SH3PXD2A: variants seen among roughly 807,000 people sequenced by gnomAD.
The protein encoded by SH3PXD2A is SH3 and PX domain-containing protein 2A.
SH3PXD2A carries 32 observed loss-of-function variants against 115.2 expected under a neutral mutation model. The ratio of observed to expected loss-of-function variants is 0.28; its 90% CI spans 0.21 to 0.37. The LOEUF (loss-of-function observed/expected upper bound fraction) is 0.37, where lower values mean the gene tolerates loss of function less well. Ranked by LOEUF, SH3PXD2A falls within the 10% of genes least tolerant of loss-of-function variation. The pLI, the probability that SH3PXD2A is intolerant of heterozygous loss-of-function variation, is 1.00. For synonymous variants in SH3PXD2A, 610 were observed against 629.1 expected (o/e 0.97, Z 0.45); for missense variants, 1,328 against 1,498.7 (o/e 0.89, Z 1.88).
At chr10:103,670,386 G>A (rs564695488) in intron 6 of SH3PXD2A, among the ~76,000 whole-genome samples, 77 of 152,324 alleles carry the variant, frequency 5.1e-4, no homozygotes, top group African/African-American at 1.7e-3. Context: ...TAGATAATAT[G>A]TAATAGTGCC....
intron 11 of SH3PXD2A, among the ~76,000 whole-genome samples, chr10:103,614,688 C>G (rs748820514): frequency 3.3e-5 from 5 of 152,136 alleles, no homozygotes; most frequent in Non-Finnish European, 7.4e-5. Context: ...TTGCAATGTC[C>G]CCATCTGCTC....
chr10:103,661,355 G>A (rs907126494), intron 7 of SH3PXD2A, among the ~76,000 whole-genome samples: 5 of 152,254 alleles, frequency 3.3e-5, no homozygotes, highest in African/African-American at 1.2e-4. Flanking sequence ...GGGCCGGGGA[G>A]GGGACGGGCA....
intron 3 of SH3PXD2A, among the ~76,000 whole-genome samples, chr10:103,737,065 G>A (rs933310874): frequency 7.2e-5 from 11 of 152,180 alleles, no homozygotes; most frequent in African/African-American, 2.4e-4. Flanking sequence ...GGAAGCAAAC[G>A]GAATGAGAGA....
Position 103,855,190 on chromosome 10 carries a change from C to T in SH3PXD2A, c.72+5G>A. The T allele has an allele frequency of 6.5e-7, 1 of 1,532,130 alleles. No homozygotes were observed. The highest frequency in any genetic ancestry group is 8.8e-7 in the Non-Finnish European group (1 of 1,137,398). 94.9% of individuals were successfully genotyped at this position (1,532,130 alleles called of 1,614,324 possible). A position where few individuals can be genotyped will look rare whatever the true frequency, so the allele number is the denominator to read the frequency against. ...CCCAGCAGGGTCGGCGGGGGCTGTA[C>T]TCACGTAGTGCTTGGAGGGGTTCCT... On this transcript the variant is annotated splice_donor_5th_base_variant and intron_variant, in intron 1 of 14. Coordinates refer to ENST00000369774, the MANE Select transcript of SH3PXD2A (RefSeq NM_001394015.1).
intron 2 of SH3PXD2A, among the ~76,000 whole-genome samples, chr10:103,799,347 G>T (rs781445976): frequency 6.6e-6 from 1 of 152,250 alleles, no homozygotes; most frequent in Non-Finnish European, 1.5e-5. Context: ...AAATGGGTTC[G>T]TAAAGATGCT....
At chr10:103,811,524 G>A (rs758044376) in intron 1 of SH3PXD2A, among the ~76,000 whole-genome samples, 3 of 152,180 alleles carry the variant, frequency 2.0e-5, no homozygotes, top group African/African-American at 2.4e-5. Flanking sequence ...TGGTCTACCC[G>A]AGGTCATCAT....
intron 3 of SH3PXD2A, among the ~76,000 whole-genome samples, chr10:103,759,947 C>T (rs941100001): frequency 6.6e-6 from 1 of 152,236 alleles, no homozygotes; most frequent in Admixed American, 6.5e-5. Flanking sequence ...TCTCCCTGGG[C>T]CTCCTGCTGT....
chr10:103,777,413 G>C (rs1287395470), intron 2 of SH3PXD2A, among the ~76,000 whole-genome samples: 6 of 152,270 alleles, frequency 3.9e-5, no homozygotes, highest in Non-Finnish European at 5.9e-5. Context: ...AGAGGCCCCA[G>C]GGGAGCTGCC....
intron 2 of SH3PXD2A, among the ~76,000 whole-genome samples, chr10:103,779,252 G>A (rs1308948685): frequency 1.3e-5 from 2 of 152,206 alleles, no homozygotes; most frequent in Admixed American, 6.5e-5. Flanking sequence ...TATTTTAGTA[G>A]AGACGGGGTT....
chr10:103,789,010 C>T (rs1009255825), intron 2 of SH3PXD2A, among the ~76,000 whole-genome samples: 1 of 152,200 alleles, frequency 6.6e-6, no homozygotes, highest in African/African-American at 2.4e-5. Flanking sequence ...TCACATCTCC[C>T]GGTCACCACA....
chr10:103,678,220 C>T, intron 6 of SH3PXD2A: 1 of 1,147,694 alleles, frequency 8.7e-7, no homozygotes, highest in Non-Finnish European at 1.2e-6. Context: ...GCCCCTGAGC[C>T]TTTCCTTACC....
Position 103,724,323 on chromosome 10 carries a change from G to A in SH3PXD2A, c.345C>T (p.Asp115=), listed in dbSNP as rs199860507. ...GAGCCTCGAAGAACCGGAAGACTTC[G>A]TCACACTGTGAGATGTGGGGGGGCA... is the stretch of plus-strand genomic sequence containing the variant. ...VRLPPHISQC[D]EVFRFFEARP... is the part of the protein sequence containing the mutation. Residue 115 remains aspartate (D), a synonymous_variant, in exon 5 of 15, where the codon GAC becomes GAT. Coordinates refer to ENST00000369774, the MANE Select transcript of SH3PXD2A (RefSeq NM_001394015.1). The A allele has an allele frequency of 4.0e-5, 63 of 1,584,184 alleles. No individual in the cohort carries two copies. The Middle Eastern group carries it at 5.0e-4, about 13-fold the overall frequency.
intron 5 of SH3PXD2A, chr10:103,693,752 A>T (rs1412699037): frequency 2.0e-5 from 3 of 152,270 alleles, no homozygotes; most frequent in Non-Finnish European, 4.4e-5. Context: ...CAAAGGCTAC[A>T]GCTGGGGAGT....
intron 7 of SH3PXD2A, chr10:103,661,942 C>T (rs576542504): frequency 2.6e-5 from 26 of 985,122 alleles, no homozygotes; most frequent in South Asian, 1.9e-4. Context: ...CGCTCCGTTC[C>T]TGCCCCTCGG....
intron 2 of SH3PXD2A, among the ~76,000 whole-genome samples, chr10:103,798,113 CAT>C (rs976035092): frequency 1.3e-5 from 2 of 151,954 alleles, no homozygotes; most frequent in Non-Finnish European, 2.9e-5. Flanking sequence ...AAGAGGGAGA[CAT>C]AAGGGAGGGG....
chr10:103,692,956 T>TG, intron 6 of SH3PXD2A, 72 bp downstream of exon 6: 1 of 916,988 alleles, frequency 1.1e-6, no homozygotes, highest in Non-Finnish European at 1.8e-6. Flanking sequence ...AGAAGTCCTC[T>TG]GCAGGATCGG....
intron 8 of SH3PXD2A, among the ~76,000 whole-genome samples, chr10:103,654,730 G>C (rs2037183386): frequency 6.6e-6 from 1 of 152,124 alleles, no homozygotes; most frequent in Admixed American, 6.5e-5. Context: ...AATTCCTTTA[G>C]AATTAGCATA....
intron 5 of SH3PXD2A, among the ~76,000 whole-genome samples, chr10:103,702,743 G>A (rs987962152): frequency 1.3e-5 from 2 of 152,194 alleles, no homozygotes; most frequent in Admixed American, 1.3e-4. Context: ...CCCAGCGGCA[G>A]TATTCCTAAA....
chr10:103,736,640 G>A (rs2038383937), intron 3 of SH3PXD2A: 1 of 621,316 alleles, frequency 1.6e-6, no homozygotes, highest in African/African-American at 1.9e-5. Flanking sequence ...TTGATTGGCT[G>A]AGCTGGGAGT....
Sources: allele counts gnomAD v4.1 joint callset (sites outside exome capture counted in the v4.1 genomes callset), GRCh38; gene constraint gnomAD v4.1.1; transcripts MANE v1.5; gene names NCBI Gene and HGNC (gene_info 2026-07-23, HGNC 2026-07-21).